Variants in LYRM4 observed in about 807,000 individuals in gnomAD.
The protein encoded by LYRM4 is LYR motif-containing protein 4.
A neutral mutation model predicts 11.7 loss-of-function variants in LYRM4; 9 were observed. That is an observed-to-expected ratio of 0.77 (90% CI 0.46 to 1.34). The LOEUF is 1.34. Among genes scored for constraint, LYRM4 ranks in the 40% most tolerant of loss-of-function variants. The pLI is 0.00. For synonymous variants in LYRM4, 42 were observed against 40.4 expected (o/e 1.04, Z -0.15); for missense variants, 133 against 112.5 (o/e 1.18, Z -0.82).
intron 1 of LYRM4, 111 bp downstream of exon 1, chr6:5,260,537 G>GCCGGCAAACCACGGTGGCTCCCAGTCC (rs1764994251): frequency 7.1e-7 from 1 of 1,416,082 alleles, no homozygotes; most frequent in South Asian, 1.3e-5. Flanking sequence ...CCTCGCAGCC[G>GCCGGCAAACCACGGTGGCTCCCAGTCC]CCGGCAAACC....
chr6:5,144,146 T>A (rs1446560250), intron 2 of LYRM4: 1 of 1,536,422 alleles, frequency 6.5e-7, no homozygotes, highest in African/African-American at 1.4e-5. Context: ...ACCAGCTCTG[T>A]GAGGAAGAGC....
At chr6:5,211,684 AC>A (rs1255643116) in intron 2 of LYRM4, among the ~76,000 whole-genome samples, 1 of 152,196 alleles carries the variant, frequency 6.6e-6, no homozygotes, top group African/African-American at 2.4e-5. Context: ...GAAAACAGTG[AC>A]CCCTGAAAAG....
the LYRM4 span, among the ~76,000 whole-genome samples, chr6:5,056,678 A>T: frequency 6.6e-6 from 1 of 152,242 alleles, no homozygotes; most frequent in Non-Finnish European, 1.5e-5. Context: ...CTCATGGTAC[A>T]TACAAGTATT....
chr6:5,238,032 C>T (rs962656849), intron 1 of LYRM4, among the ~76,000 whole-genome samples: 2 of 152,108 alleles, frequency 1.3e-5, no homozygotes, highest in African/African-American at 4.8e-5. Context: ...GACCTGAGGC[C>T]GTGCTCCTGG....
At chr6:5,088,918 T>C in the LYRM4 span, 25 of 152,222 alleles carry the variant, frequency 1.6e-4, no homozygotes, top group African/African-American at 5.8e-4. Context: ...CCCGTTTGAA[T>C]TGGCTTCAAA....
Position 5,164,512 on chromosome 6 carries a change from T to C in LYRM4, c.207+52106A>G, listed in dbSNP as rs1196810433. 2.6e-5 allele frequency among the ~76,000 whole-genome samples: 4 copies of C among 152,162 alleles called. No homozygotes were observed. In the East Asian group the frequency reaches 7.7e-4, roughly 29 times the overall value. ...GCACCACTGTATGAGATTCCTTTTA[T>C]AGAAGGGAAAAAACAGAAAAACCAA... On this transcript the variant is annotated intron_variant, in intron 2 of 2. Coordinates refer to ENST00000330636, the MANE Select transcript of LYRM4 (RefSeq NM_020408.6).
At chr6:5,191,060 C>T (rs532865834) in intron 2 of LYRM4, among the ~76,000 whole-genome samples, 22 of 151,600 alleles carry the variant, frequency 1.5e-4, no homozygotes, top group African/African-American at 4.6e-4. Context: ...GAGAAAATCA[C>T]GGATGTACAT....
At chr6:5,173,817 A>G (rs1759563071) in intron 2 of LYRM4, among the ~76,000 whole-genome samples, 1 of 152,260 alleles carries the variant, frequency 6.6e-6, no homozygotes, top group Admixed American at 6.5e-5. Context: ...GGTGGGTTTT[A>G]AAATATAGCC....
At chr6:5,105,813 C>CAAAAA (rs1054222811), downstream of LYRM4, 1 of 154,214 alleles carries the variant, frequency 6.5e-6, no homozygotes, top group East Asian at 1.9e-4. Context: ...GACTCTGTCT[C>CAAAAA]AAAAAAACAA....
intron 1 of LYRM4, among the ~76,000 whole-genome samples, chr6:5,241,319 C>T (rs1330860422): frequency 5.9e-5 from 9 of 152,188 alleles, no homozygotes; most frequent in Admixed American, 5.9e-4. Context: ...AGCATGTATT[C>T]AATCAATGTT....
At chr6:5,191,189 A>G (rs1420792446) in intron 2 of LYRM4, among the ~76,000 whole-genome samples, 13 of 152,366 alleles carry the variant, frequency 8.5e-5, no homozygotes, top group Middle Eastern at 3.4e-3. Flanking sequence ...GGAAGCTATT[A>G]AAACAACATG....
At chr6:5,066,148 C>A in the LYRM4 span, 1 of 577,016 alleles carries the variant, frequency 1.7e-6, no homozygotes. Flanking sequence ...GTTTTCCAGC[C>A]GCCCATTTTG....
intron 2 of LYRM4, among the ~76,000 whole-genome samples, chr6:5,162,662 T>G (rs986817483): frequency 1.3e-5 from 2 of 152,222 alleles, no homozygotes; most frequent in African/African-American, 4.8e-5. Flanking sequence ...AGATTCTGTA[T>G]GTTTATATGT....
intron 2 of LYRM4, among the ~76,000 whole-genome samples, chr6:5,193,844 T>C (rs1760899542): frequency 6.6e-6 from 1 of 152,064 alleles, no homozygotes; most frequent in Admixed American, 6.6e-5. Context: ...TGGTTAGGAA[T>C]TAAGAGAAAC....
intron 1 of LYRM4, among the ~76,000 whole-genome samples, chr6:5,259,239 G>A (rs1006162352): frequency 3.9e-5 from 6 of 152,300 alleles, no homozygotes; most frequent in African/African-American, 1.4e-4. Context: ...TCCAGACTAT[G>A]GTGAAATCAA....
At chr6:5,183,580 C>T (rs2746221) in intron 2 of LYRM4, among the ~76,000 whole-genome samples, 51,943 of 151,980 alleles carry the variant, frequency 0.34, 10,202 homozygotes, top group African/African-American at 0.55. Flanking sequence ...TCTGCTATGC[C>T]TCTACAATCT....
At chr6:5,181,914 T>C (rs1296580957) in intron 2 of LYRM4, among the ~76,000 whole-genome samples, 7 of 152,214 alleles carry the variant, frequency 4.6e-5, no homozygotes, top group Non-Finnish European at 1.0e-4. Flanking sequence ...AATGCTAGCA[T>C]CTTAGACTCA....
the LYRM4 span, among the ~76,000 whole-genome samples, chr6:5,046,068 A>G: frequency 6.6e-6 from 1 of 152,208 alleles, no homozygotes; most frequent in African/African-American, 2.4e-5. Flanking sequence ...AGAAGTCTCC[A>G]GTGTAGGTTA....
At chr6:5,158,316 G>A (rs766943374) in intron 2 of LYRM4, among the ~76,000 whole-genome samples, 2 of 152,060 alleles carry the variant, frequency 1.3e-5, no homozygotes, top group Non-Finnish European at 2.9e-5. Context: ...CCTTGGGCAA[G>A]TATTCTTGGC....
Sources: allele counts gnomAD v4.1 joint callset (sites outside exome capture counted in the v4.1 genomes callset), GRCh38; gene constraint gnomAD v4.1.1; transcripts MANE v1.5; gene names NCBI Gene and HGNC (gene_info 2026-07-23, HGNC 2026-07-21).